Variants in AP3B2 observed in about 807,000 individuals in gnomAD.
The protein encoded by AP3B2 is AP-3 complex subunit beta-2.
Under a neutral mutation model 126.9 loss-of-function variants are expected in AP3B2, and 50 were observed. That is an observed-to-expected ratio of 0.39 (90% CI 0.31 to 0.50). The LOEUF (loss-of-function observed/expected upper bound fraction) is 0.50. Among genes scored for constraint, AP3B2 ranks in the 20% least tolerant of loss-of-function variants. The pLI is 0.79. For synonymous variants in AP3B2, 541 were observed against 565.0 expected, an observed-to-expected ratio of 0.96 and a Z score of 0.60; for missense variants, 1,177 against 1,426.4, an observed-to-expected ratio of 0.83 and a Z score of 2.82.
chr15:82,690,982 G>A (rs1200647010), intron 1 of AP3B2, among the ~76,000 whole-genome samples: 1 of 152,202 alleles, frequency 6.6e-6, no homozygotes. Context: ...ACCCAGCCAT[G>A]CCACATGTTC....
chr15:82,682,609 G>A (rs1482168377), intron 4 of AP3B2, among the ~76,000 whole-genome samples: 4 of 152,016 alleles, frequency 2.6e-5, no homozygotes, highest in Non-Finnish European at 4.4e-5. Flanking sequence ...ACAGCTGCTT[G>A]GGAAGCTGAA....
intron 1 of AP3B2, among the ~76,000 whole-genome samples, chr15:82,693,843 G>A (rs2048589107): frequency 6.6e-6 from 1 of 151,772 alleles, no homozygotes; most frequent in South Asian, 2.1e-4. Flanking sequence ...TGGGATTACA[G>A]GCATGCGCCA....
intron 14 of AP3B2, among the ~76,000 whole-genome samples, chr15:82,673,558 G>A (rs2048193168): frequency 6.6e-6 from 1 of 151,214 alleles, no homozygotes; most frequent in African/African-American, 2.4e-5. Flanking sequence ...TGTGAATGGG[G>A]AAAAAAAAGT....
intron 1 of AP3B2, among the ~76,000 whole-genome samples, chr15:82,700,934 C>G (rs374232708): frequency 1.3e-5 from 2 of 152,162 alleles, no homozygotes; most frequent in East Asian, 3.9e-4. Flanking sequence ...CATCTCGGCT[C>G]ACTGTAATCT....
intron 1 of AP3B2, chr15:82,691,834 C>G (rs957835903): frequency 2.5e-5 from 34 of 1,380,828 alleles, no homozygotes; most frequent in Non-Finnish European, 2.9e-5. Context: ...TGGTGCTTCT[C>G]TCAGGATAAA....
chr15:82,697,811 ACT>A (rs34041836), intron 1 of AP3B2: 80,687 of 152,008 alleles, frequency 0.53, 21,789 homozygotes, highest in Non-Finnish European at 0.59. Context: ...GACACCTTCT[ACT>A]CTTCCAGGGT....
chr15:82,709,775 G>C lies in AP3B2; in HGVS notation c.-69C>G. 2.3e-6 allele frequency: 3 copies of C among 1,306,230 alleles called. No individual in the cohort carries two copies. The highest frequency in any genetic ancestry group is 1.5e-5 in the African/African-American group (1 of 64,966). The allele number at this position is 1,306,230 out of a possible 1,614,324, so 80.9% of individuals were successfully genotyped here. A position where few individuals can be genotyped will look rare whatever the true frequency, so the allele number is the denominator to read the frequency against. ...GGAGGCCGGCTGGAGCGGAGGAAGG[G>C]AAGGCGGGCCGGTCCGGTCCGGGCT... On this transcript the variant is annotated 5_prime_UTR_variant, in exon 1 of 27. Transcript: ENST00000535359.
rs2048314101 is a variant in AP3B2 at position 82,680,315 on chromosome 15, T to C, written c.1056-86A>G. On this transcript the variant is annotated intron_variant, in intron 8 of 26. Coordinates refer to ENST00000535359, the MANE Select transcript of AP3B2 (RefSeq NM_001278512.2). The surrounding 1 kb of genome is among the most constrained non-coding windows in gnomAD (Gnocchi z 6.1). ...GAGGGGAAAAGGTGGGGCAAGTCGT[T>C]GCGGGGAGAGGACCAGTGCGGAGGG... 23 of 1,589,574 alleles carry C rather than the reference T, an allele frequency of 1.4e-5. No homozygotes were observed. Among genetic ancestry groups the C allele is most frequent in the Middle Eastern group, 1.7e-4 (1 of 5,988 alleles).
In AP3B2 at chr15:82,665,376, AAC is replaced by A. The variant is rs60428596; in HGVS notation, c.1972-75_1972-74del. 0.015 allele frequency: 18,977 copies of A among 1,233,806 alleles called. 177 individuals are homozygous for A. The highest frequency in any genetic ancestry group is 0.045 in the African/African-American group (2,546 of 57,190). The allele number at this position is 1,233,806 out of a possible 1,614,324, so 76.4% of individuals were successfully genotyped here. A position where few individuals can be genotyped will look rare whatever the true frequency, so the allele number is the denominator to read the frequency against. On this transcript the variant is annotated intron_variant, in intron 16 of 26. Coordinates refer to ENST00000535359, the MANE Select transcript of AP3B2 (RefSeq NM_001278512.2). The surrounding 1 kb of genome is among the most constrained non-coding windows in gnomAD (Gnocchi z 4.4). ...GGGCTCCCTACTGTCTGCCCCCACCAACACACACACACACACACACACACACA... is the reference window on the plus strand; with the variant it reads ...GGGCTCCCTACTGTCTGCCCCCACCAACACACACACACACACACACACACA...
At position 82,664,994 on chromosome 15, in the gene AP3B2, G is replaced by C; in HGVS notation, c.2029-51C>G. The C allele has an allele frequency of 7.2e-7, 1 of 1,394,786 alleles. No homozygotes were observed. The highest frequency in any genetic ancestry group is 1.0e-6 in the Non-Finnish European group (1 of 999,930). The allele number at this position is 1,394,786 out of a possible 1,614,324, so 86.4% of individuals were successfully genotyped here. ...TCATTTCATCATGGTTGGGGAGAAG[G>C]CAGGCAGGCACAAGCCCTTACCCTT... On this transcript the variant is annotated intron_variant, in intron 17 of 26. Transcript: ENST00000535359. This position sits in a 1 kb window ranked among gnomAD's most constrained non-coding sequence, Gnocchi z 4.5.
intron 3 of AP3B2, 53 bp downstream of exon 3, chr15:82,689,105 G>A: frequency 6.3e-7 from 1 of 1,588,178 alleles, no homozygotes; most frequent in East Asian, 2.2e-5. Flanking sequence ...CCAAGCTTGA[G>A]TGTGGTCCTG....
chr15:82,663,225 G>T lies in AP3B2; in HGVS notation c.2506C>A (p.Pro836Thr). 4 of 1,612,676 alleles carry T rather than the reference G, an allele frequency of 2.5e-6. No homozygotes were observed. The highest frequency in any genetic ancestry group is 3.4e-6 in the Non-Finnish European group (4 of 1,179,440). ...SLLDLEDFTP[P>T]SVQPVSPPAI... Reference sequence around the variant, plus strand: ...GGGGGAGACACAGGCTGGACACTGGGAGGGGTGACTGTGGGAGTAGATAAG... The same window carrying T: ...GGGGGAGACACAGGCTGGACACTGGTAGGGGTGACTGTGGGAGTAGATAAG... Residue 836 changes from proline (P) to threonine (T), a missense_variant, in exon 22 of 27, where the codon CCC (proline) becomes ACC (threonine). Physicochemically the swap from Pro to Thr is conservative, Grantham distance 38. Around this residue, in one of 5 missense-constraint regions of AP3B2, gnomAD observed 587 missense variants for 571.3 expected, o/e 1.03. Transcript: ENST00000535359.
chr15:82,697,191 G>A (rs1596195604), intron 1 of AP3B2, among the ~76,000 whole-genome samples: 3 of 152,230 alleles, frequency 2.0e-5, no homozygotes, highest in South Asian at 4.2e-4. Flanking sequence ...AAAATTAGCC[G>A]GGTGTGGTGG....
intron 10 of AP3B2, 69 bp downstream of exon 10, chr15:82,679,660 T>G: frequency 1.1e-4 from 158 of 1,421,320 alleles, no homozygotes; most frequent in Middle Eastern, 1.8e-4. Flanking sequence ...GGGGCCACTG[T>G]GAGTTATTTG....
intron 15 of AP3B2, 78 bp downstream of exon 15, chr15:82,666,669 C>A (rs117547358): frequency 7.4e-6 from 11 of 1,495,446 alleles, no homozygotes; most frequent in Non-Finnish European, 9.9e-6. Flanking sequence ...CTAGGGGCCT[C>A]AGGAAGGTCT....
intron 14 of AP3B2, among the ~76,000 whole-genome samples, chr15:82,674,002 A>AC (rs1208457950): frequency 7.3e-5 from 11 of 151,450 alleles, no homozygotes; most frequent in Admixed American, 1.3e-4. Context: ...TTGATTACCA[A>AC]CCCCCCCATC....
In AP3B2 at chr15:82,709,698, G is replaced by A. The variant is rs2048853344; in HGVS notation, c.9C>T (p.Ala3=). The A allele has an allele frequency of 6.7e-7, 1 of 1,486,534 alleles. No individual in the cohort carries two copies. The highest frequency in any genetic ancestry group is 8.9e-7 in the Non-Finnish European group (1 of 1,118,874). The allele number at this position is 1,486,534 out of a possible 1,614,324, so 92.1% of individuals were successfully genotyped here. A position where few individuals can be genotyped will look rare whatever the true frequency, so the allele number is the denominator to read the frequency against. Residue 3 remains alanine, a synonymous_variant, in exon 1 of 27, where the codon GCC becomes GCT. Transcript: ENST00000535359. ...CCTTGTCTTCGCTGTAGGCGGGGGC[G>A]GCCGACATGGGGCGGCCAGGGAGAC... is the stretch of plus-strand genomic sequence containing the variant. The part of the protein sequence containing the change: MS[A]APAYSEDKGG...
At chr15:82,662,655 A>G (rs1330790080) in intron 23 of AP3B2, 39 bp downstream of exon 23, 2 of 1,558,646 alleles carry the variant, frequency 1.3e-6, no homozygotes, top group Non-Finnish European at 1.7e-6. Context: ...GACTCTGCCC[A>G]GGAGCCTCCT....
chr15:82,668,842 CAGGCTCCAGTTGTCAGAG>C (rs1243748283), intron 14 of AP3B2, among the ~76,000 whole-genome samples: 1 of 152,152 alleles, frequency 6.6e-6, no homozygotes, highest in Non-Finnish European at 1.5e-5. Flanking sequence ...CCCTCACCAA[CAGGCTCCAGTTGTCAGAG>C]AGGAATTTTA....
Sources: allele counts gnomAD v4.1 joint callset (sites outside exome capture counted in the v4.1 genomes callset), GRCh38; gene constraint gnomAD v4.1.1; regional missense constraint gnomAD v4.1.1; non-coding constraint Gnocchi (gnomAD v3.1); transcripts MANE v1.5; gene names NCBI Gene and HGNC (gene_info 2026-07-23, HGNC 2026-07-21).